Variants in GAN observed in about 807,000 individuals in gnomAD.
The protein encoded by GAN is epididymis secretory sperm binding protein.
Under a neutral mutation model 71.3 loss-of-function variants are expected in GAN, and 48 were observed. The ratio of observed to expected loss-of-function variants is 0.67; its 90% CI spans 0.53 to 0.86. The LOEUF is 0.86. Among genes scored for constraint, GAN ranks in the 40% least tolerant of loss-of-function variants. GAN has a pLI of 0.00. For synonymous variants in GAN, 386 were observed against 276.8 expected (o/e 1.39, Z -3.92); for missense variants, 928 against 770.1 (o/e 1.21, Z -2.43).
At chr16:81,346,904 G>A (rs781307830) in intron 1 of GAN, among the ~76,000 whole-genome samples, 14 of 152,092 alleles carry the variant, frequency 9.2e-5, no homozygotes, top group South Asian at 4.1e-4. Context: ...GCTTAACATC[G>A]TGCTATTTGA....
At chr16:81,338,970 C>G (rs186496468) in intron 1 of GAN, among the ~76,000 whole-genome samples, 241 of 152,322 alleles carry the variant, frequency 1.6e-3, no homozygotes, top group Non-Finnish European at 2.3e-3. Flanking sequence ...TGCCCATGAT[C>G]ATAGAAGCTC....
chr16:81,347,398 C>G (rs1482826541), intron 1 of GAN, among the ~76,000 whole-genome samples: 2 of 152,240 alleles, frequency 1.3e-5, no homozygotes, highest in African/African-American at 4.8e-5. Flanking sequence ...CCAGAATGGA[C>G]TGGCTTCCTT....
chr16:81,335,660 T>G (rs1459524942), intron 1 of GAN, among the ~76,000 whole-genome samples: 1 of 147,236 alleles, frequency 6.8e-6, no homozygotes, highest in Admixed American at 7.0e-5. Context: ...GGCAGGAGAA[T>G]CGCTTGAACT....
chr16:81,323,811 G>A (rs1297319145), intron 1 of GAN, among the ~76,000 whole-genome samples: 2 of 152,128 alleles, frequency 1.3e-5, no homozygotes, highest in Non-Finnish European at 2.9e-5. Context: ...GCGCCCTCCA[G>A]GACTCCATCC....
intron 9 of GAN, among the ~76,000 whole-genome samples, chr16:81,375,692 A>G (rs2150697634): frequency 1.3e-5 from 2 of 152,104 alleles, no homozygotes; most frequent in Middle Eastern, 6.8e-3. Flanking sequence ...GGGGCTGGGT[A>G]TGGTGGCTCA....
At chr16:81,359,090 C>A (rs1322570869) in intron 5 of GAN, among the ~76,000 whole-genome samples, 1 of 152,074 alleles carries the variant, frequency 6.6e-6, no homozygotes, top group African/African-American at 2.4e-5. Context: ...TTTTATGAGT[C>A]CCAAAATTAT....
intron 3 of GAN, 96 bp downstream of exon 3, chr16:81,354,851 T>TAA: frequency 1.3e-6 from 1 of 741,148 alleles, no homozygotes; most frequent in South Asian, 1.6e-5. Flanking sequence ...ATGAAAGACT[T>TAA]ACGATGCAGC....
intron 9 of GAN, among the ~76,000 whole-genome samples, chr16:81,367,290 A>C (rs1361306588): frequency 6.6e-6 from 1 of 152,112 alleles, no homozygotes; most frequent in African/African-American, 2.4e-5. Flanking sequence ...TGGGAGGCCG[A>C]CGCGGGCAGA....
intron 1 of GAN, among the ~76,000 whole-genome samples, chr16:81,323,236 C>T (rs1469507255): frequency 5.3e-5 from 8 of 152,138 alleles, no homozygotes; most frequent in Non-Finnish European, 5.9e-5. Flanking sequence ...GTTTGTTCTC[C>T]TGCTTGGCCT....
intron 1 of GAN, among the ~76,000 whole-genome samples, chr16:81,326,482 G>A (rs1040527725): frequency 1.3e-5 from 2 of 152,164 alleles, no homozygotes; most frequent in Non-Finnish European, 2.9e-5. Flanking sequence ...GCGAGGAGAC[G>A]AGATCGCGCC....
intron 1 of GAN, among the ~76,000 whole-genome samples, chr16:81,350,497 A>G (rs1294545240): frequency 6.7e-6 from 1 of 148,158 alleles, no homozygotes; most frequent in African/African-American, 2.5e-5. Flanking sequence ...ATTTTTGTTT[A>G]TTTATTTATT....
In GAN at chr16:81,378,021, G is replaced by A; in HGVS notation, c.*425G>A. The A allele has an allele frequency of 4.0e-6, 1 of 251,868 alleles. No homozygotes were observed. Among genetic ancestry groups the A allele is most frequent in the East Asian group, 9.4e-5 (1 of 10,664 alleles). 15.6% of individuals were successfully genotyped at this position (251,868 alleles called of 1,614,324 possible). A position where few individuals can be genotyped will look rare whatever the true frequency, so the allele number is the denominator to read the frequency against. On this transcript the variant is annotated 3_prime_UTR_variant, in exon 11 of 11. Coordinates refer to ENST00000648994, the MANE Select transcript of GAN (RefSeq NM_022041.4). ...TATGCAAATCAACATATCCAAACATGCCAAGACTGCTTTTCCACTGCACTT... is the reference window on the plus strand; with the variant it reads ...TATGCAAATCAACATATCCAAACATACCAAGACTGCTTTTCCACTGCACTT...
chr16:81,363,643 C>G (rs924830154), intron 6 of GAN, 151 bp from the exon 7 acceptor site: 7 of 760,256 alleles, frequency 9.2e-6, no homozygotes, highest in Admixed American at 2.0e-5. Context: ...TGTTTCAGCC[C>G]TTGCTCCTCT....
chr16:81,353,965 C>G (rs1182753193), intron 2 of GAN, among the ~76,000 whole-genome samples: 1 of 152,114 alleles, frequency 6.6e-6, no homozygotes, highest in Non-Finnish European at 1.5e-5. Context: ...GGTTGGCATG[C>G]CATTTAGCGG....
rs1904304534 is a variant in GAN, at chr16:81,381,468, C to T, written c.*3872C>T. ...TGGTGGAAGGGAAAGGTGAGGCGGC[C>T]CTTTTCCACTGGCTGCTCACTGAGC... is the stretch of plus-strand genomic sequence containing the variant. On this transcript the variant is annotated 3_prime_UTR_variant, in exon 11 of 11. Transcript: ENST00000648994. 6.6e-6 allele frequency: 1 copy of T among 152,202 alleles called. No individual in the cohort carries two copies. 9.4% of individuals were successfully genotyped at this position (152,202 alleles called of 1,614,324 possible). A position where few individuals can be genotyped will look rare whatever the true frequency, so the allele number is the denominator to read the frequency against.
chr16:81,323,416 C>G (rs1267804729), intron 1 of GAN, among the ~76,000 whole-genome samples: 1 of 152,136 alleles, frequency 6.6e-6, no homozygotes, highest in Non-Finnish European at 1.5e-5. Context: ...AGGCTTCTTT[C>G]ATAGTGATCA....
At chr16:81,332,103 G>A (rs1224702317) in intron 1 of GAN, among the ~76,000 whole-genome samples, 1 of 151,620 alleles carries the variant, frequency 6.6e-6, no homozygotes, top group African/African-American at 2.4e-5. Flanking sequence ...AGAGGTTGCG[G>A]TGAGCCGAGA....
intron 5 of GAN, 151 bp from the exon 6 acceptor site, chr16:81,362,348 G>A: frequency 1.5e-6 from 1 of 685,414 alleles, no homozygotes; most frequent in Admixed American, 2.1e-5. Flanking sequence ...CCATCACCAA[G>A]GATCCAATGG....
intron 1 of GAN, among the ~76,000 whole-genome samples, 167 bp from the exon 2 acceptor site, chr16:81,351,416 G>T (rs753427752): frequency 4.5e-4 from 68 of 152,106 alleles, no homozygotes; most frequent in Non-Finnish European, 8.2e-4. Flanking sequence ...ATGTTTTGTA[G>T]TTGAAAGTTA....
Sources: allele counts gnomAD v4.1 joint callset (sites outside exome capture counted in the v4.1 genomes callset), GRCh38; gene constraint gnomAD v4.1.1; transcripts MANE v1.5; gene names NCBI Gene and HGNC (gene_info 2026-07-23, HGNC 2026-07-21).